Variants in PCDH9 observed in about 807,000 individuals in gnomAD.
The protein encoded by PCDH9 is protocadherin-9.
A neutral mutation model predicts 70.6 loss-of-function variants in PCDH9; 24 were observed. The observed-to-expected ratio is 0.34, with a 90% CI of 0.25 to 0.48. The LOEUF (loss-of-function observed/expected upper bound fraction) is 0.48, where lower values mean the gene tolerates loss of function less well. Among genes scored for constraint, PCDH9 ranks in the 20% least tolerant of loss-of-function variants. PCDH9 has a pLI of 0.99. For synonymous variants in PCDH9, 562 were observed against 558.5 expected, an observed-to-expected ratio of 1.01 and a Z score of -0.09; for missense variants, 1,281 against 1,503.6, an observed-to-expected ratio of 0.85 and a Z score of 2.45.
chr13:67,085,329 T>C (rs1466666686), intron 2 of PCDH9, among the ~76,000 whole-genome samples: 1 of 149,790 alleles, frequency 6.7e-6, no homozygotes, highest in Non-Finnish European at 1.5e-5. Flanking sequence ...AGAAAGATTA[T>C]CAAAACATAA....
At chr13:66,310,886 T>C (rs1955548899) in intron 4 of PCDH9, among the ~76,000 whole-genome samples, 1 of 152,110 alleles carries the variant, frequency 6.6e-6, no homozygotes, top group African/African-American at 2.4e-5. Context: ...TAATATTATT[T>C]TTGTAGTAAG....
chr13:66,978,208 C>A (rs1400838912), intron 2 of PCDH9, among the ~76,000 whole-genome samples: 6 of 151,976 alleles, frequency 3.9e-5, no homozygotes, highest in African/African-American at 1.4e-4. Context: ...GTTATTGTTG[C>A]TGTCACTGAC....
In PCDH9 at chr13:66,777,094, T is replaced by G. The variant is rs1460154794; in HGVS notation, c.3138+126410A>C. On this transcript the variant is annotated intron_variant, in intron 3 of 4. Coordinates refer to ENST00000377865, the MANE Select transcript of PCDH9 (RefSeq NM_203487.3). ...CTAGCCATATGTAGAAAGCTGAAAC[T>G]GGATCCCTTCCTTACACCTTATACA... Among the ~76,000 whole-genome samples, 3 of 150,566 alleles carry G rather than the reference T, an allele frequency of 2.0e-5. No individual in the cohort carries two copies. In the East Asian group the frequency reaches 5.9e-4, roughly 30 times the overall value.
chr13:66,677,031 T>C (rs1825130952), intron 3 of PCDH9, among the ~76,000 whole-genome samples: 1 of 152,068 alleles, frequency 6.6e-6, no homozygotes, highest in South Asian at 2.1e-4. Context: ...CCGAAGAAGA[T>C]ACAGATAGTG....
At chr13:66,894,894 G>A (rs1384526270) in intron 3 of PCDH9, among the ~76,000 whole-genome samples, 3 of 151,548 alleles carry the variant, frequency 2.0e-5, no homozygotes, top group East Asian at 1.9e-4. Context: ...TGCAACCTCC[G>A]ACTCCTGGGT....
At chr13:67,134,502 A>C (rs572037939) in intron 2 of PCDH9, among the ~76,000 whole-genome samples, 1 of 152,128 alleles carries the variant, frequency 6.6e-6, no homozygotes, top group African/African-American at 2.4e-5. Context: ...AGAGAATCAG[A>C]GTCACTGACA....
At chr13:66,592,464 C>T (rs991019808) in intron 4 of PCDH9, among the ~76,000 whole-genome samples, 1 of 151,708 alleles carries the variant, frequency 6.6e-6, no homozygotes, top group Admixed American at 6.6e-5. Flanking sequence ...TGGCTCAAGA[C>T]ATTAAAAGCA....
intron 4 of PCDH9, among the ~76,000 whole-genome samples, chr13:66,451,472 T>A (rs897001536): frequency 2.0e-5 from 3 of 152,206 alleles, no homozygotes; most frequent in African/African-American, 7.2e-5. Context: ...AATTTCAATA[T>A]GCCTTTCTCT....
rs575975177 is a variant in PCDH9, at chr13:66,946,817, T to C, written c.3037-43212A>G. Among the ~76,000 whole-genome samples the C allele has an allele frequency of 3.9e-5, 6 of 152,234 alleles. No homozygotes were observed. In the East Asian group the frequency reaches 9.7e-4, roughly 24 times the overall value. ...CAAAAGGTATAATATATAGTTAATA[T>C]AATTTTTTCAAGAATAGCCCAAAAA... On this transcript the variant is annotated intron_variant, in intron 2 of 4. Coordinates refer to ENST00000377865, the MANE Select transcript of PCDH9 (RefSeq NM_203487.3).
chr13:66,996,481 C>T (rs2084118868), intron 2 of PCDH9, among the ~76,000 whole-genome samples: 1 of 152,080 alleles, frequency 6.6e-6, no homozygotes, highest in Non-Finnish European at 1.5e-5. Flanking sequence ...AAAAAAGATT[C>T]TACTACATTC....
chr13:67,006,296 G>T (rs1193924283), intron 2 of PCDH9, among the ~76,000 whole-genome samples: 1 of 152,096 alleles, frequency 6.6e-6, no homozygotes, highest in African/African-American at 2.4e-5. Context: ...CTAAGTCCAA[G>T]ACCTAAAAGA....
intron 4 of PCDH9, among the ~76,000 whole-genome samples, chr13:66,618,161 C>G (rs1160582783): frequency 6.6e-6 from 1 of 152,114 alleles, no homozygotes; most frequent in Non-Finnish European, 1.5e-5. Flanking sequence ...TCCTTTTCAC[C>G]CAATAAAACC....
chr13:66,819,501 G>A (rs1177234201), intron 3 of PCDH9, among the ~76,000 whole-genome samples: 2 of 152,016 alleles, frequency 1.3e-5, no homozygotes, highest in Non-Finnish European at 2.9e-5. Context: ...CTTTATTATT[G>A]GAAATGATTC....
At chr13:66,630,183 G>A (rs1178824040) in intron 4 of PCDH9, among the ~76,000 whole-genome samples, 1 of 151,988 alleles carries the variant, frequency 6.6e-6, no homozygotes, top group East Asian at 1.9e-4. Flanking sequence ...TAGTTTAGAT[G>A]CATTATTATA....
chr13:66,314,071 T>A (rs535736327), intron 4 of PCDH9, among the ~76,000 whole-genome samples: 2 of 152,168 alleles, frequency 1.3e-5, no homozygotes, highest in Admixed American at 6.5e-5. Context: ...TGTATATGAG[T>A]CACCTAGGAA....
rs185059272 is a variant in PCDH9, at chr13:66,444,441, T to C, written c.3341-139413A>G. 7.5e-4 allele frequency among the ~76,000 whole-genome samples: 114 copies of C among 152,292 alleles called. 1 individual carries two copies. Among genetic ancestry groups the C allele is most frequent in the Non-Finnish European group, 1.3e-4 (9 of 68,014 alleles). ...GCACAGGAAATGAAGTTATAACTGT[T>C]AGAAAGCTTCCATGAGGACAAAAAT... On this transcript the variant is annotated intron_variant, in intron 4 of 4. Transcript: ENST00000377865.
At chr13:67,087,087 T>TTA (rs759391684) in intron 2 of PCDH9, among the ~76,000 whole-genome samples, 1 of 123,786 alleles carries the variant, frequency 8.1e-6, no homozygotes, top group Non-Finnish European at 1.7e-5. Context: ...TGATGTTTTG[T>TTA]AAAAAAAAAA....
chr13:66,486,635 C>CAGAA (rs1958948675), intron 4 of PCDH9, among the ~76,000 whole-genome samples: 2 of 60,610 alleles, frequency 3.3e-5, no homozygotes, highest in East Asian at 1.2e-3. Context: ...GATGCTATCT[C>CAGAA]AGAAAAAAAA....
At chr13:67,136,268 G>A (rs920807830) in intron 2 of PCDH9, among the ~76,000 whole-genome samples, 1 of 152,140 alleles carries the variant, frequency 6.6e-6, no homozygotes, top group African/African-American at 2.4e-5. Flanking sequence ...GCCTAGGTGT[G>A]TAGTAGGCTG....
Sources: allele counts gnomAD v4.1 joint callset (sites outside exome capture counted in the v4.1 genomes callset), GRCh38; gene constraint gnomAD v4.1.1; transcripts MANE v1.5; gene names NCBI Gene and HGNC (gene_info 2026-07-23, HGNC 2026-07-21).